The following TMEM39B variants were observed in gnomAD, a reference collection of about 807,000 sequenced individuals.
TMEM39B encodes transmembrane protein 39B.
TMEM39B carries 23 observed loss-of-function variants against 52.2 expected under a neutral mutation model. That is an observed-to-expected ratio of 0.44 (90% CI 0.32 to 0.62). TMEM39B has a LOEUF of 0.62. Among genes scored for constraint, TMEM39B ranks in the 20% least tolerant of loss-of-function variants. The pLI is 0.06. For missense variants in TMEM39B, 547 were observed against 642.0 expected (o/e 0.85, Z 1.60); for synonymous variants, 285 against 264.0 (o/e 1.08, Z -0.77).
chr1:32,096,078 C>T (rs577942922), intron 7 of TMEM39B, among the ~76,000 whole-genome samples: 1 of 152,280 alleles, frequency 6.6e-6, no homozygotes, highest in Non-Finnish European at 1.5e-5. Flanking sequence ...CATGCCCCAA[C>T]CCATCCTCTG....
chr1:32,097,794 G>A (rs1301354532), intron 7 of TMEM39B, among the ~76,000 whole-genome samples: 18 of 151,800 alleles, frequency 1.2e-4, no homozygotes, highest in African/African-American at 2.7e-4. Flanking sequence ...ACAGATGCCC[G>A]CCACCGCACC....
chr1:32,073,778 C>G (rs1639738763), intron 1 of TMEM39B: 1 of 985,038 alleles, frequency 1.0e-6, no homozygotes, highest in Admixed American at 6.2e-5. Flanking sequence ...ACATCCAAGC[C>G]CAAAATTGGC....
intron 5 of TMEM39B, among the ~76,000 whole-genome samples, chr1:32,078,955 A>G (rs564957325): frequency 6.6e-6 from 1 of 152,048 alleles, no homozygotes; most frequent in South Asian, 2.1e-4. Flanking sequence ...GCAGTTTTTT[A>G]AAAAAGAAAA....
chr1:32,098,084 C>T (rs917578382), intron 7 of TMEM39B, among the ~76,000 whole-genome samples: 6 of 152,184 alleles, frequency 3.9e-5, no homozygotes, highest in Middle Eastern at 3.4e-3. Context: ...GCAACCTCCA[C>T]CTTCCGGGTT....
chr1:32,098,310 T>G (rs1640890422), intron 7 of TMEM39B, among the ~76,000 whole-genome samples: 1 of 152,012 alleles, frequency 6.6e-6, no homozygotes, highest in South Asian at 2.1e-4. Flanking sequence ...GCCAACTATT[T>G]TTTTTTTAAA....
chr1:32,097,333 CTTTT>C (rs1033574033), intron 7 of TMEM39B, among the ~76,000 whole-genome samples: 1 of 138,974 alleles, frequency 7.2e-6, no homozygotes. Context: ...CCAACTTCTT[CTTTT>C]TTTTTTTTTT....
intron 5 of TMEM39B, among the ~76,000 whole-genome samples, chr1:32,084,152 CCTTT>C (rs1165072965): frequency 2.6e-5 from 4 of 152,166 alleles, no homozygotes; most frequent in Non-Finnish European, 4.4e-5. Flanking sequence ...TTTCTAATTG[CCTTT>C]CTTTTTTCTT....
chr1:32,084,647 G>T (rs2124456438), intron 5 of TMEM39B, among the ~76,000 whole-genome samples: 1 of 152,082 alleles, frequency 6.6e-6, no homozygotes, highest in South Asian at 2.1e-4. Context: ...TCAGCTCACT[G>T]CAACCTCCGC....
chr1:32,084,685 T>G lies in TMEM39B; in HGVS notation c.591-6990T>G, dbSNP rs951927691. On this transcript the variant is annotated intron_variant, in intron 5 of 8. Coordinates refer to ENST00000336294, the MANE Select transcript of TMEM39B (RefSeq NM_018056.4). ...CCCGAGTTCAAGTGATTCTCCTGCC[T>G]CAGCCTCCTGAGTAGCTGGGATTAC... 2.0e-5 allele frequency among the ~76,000 whole-genome samples: 3 copies of G among 152,240 alleles called. No individual in the cohort carries two copies. In the South Asian group the frequency reaches 6.2e-4, roughly 32 times the overall value.
chr1:32,083,409 CTTTTT>C (rs1052027069), intron 5 of TMEM39B, among the ~76,000 whole-genome samples: 21 of 54,618 alleles, frequency 3.8e-4, no homozygotes, highest in Admixed American at 2.5e-3. Flanking sequence ...TAAAGGACTT[CTTTTT>C]TTTTTTTTTT....
chr1:32,084,356 C>T (rs1339833659), intron 5 of TMEM39B, among the ~76,000 whole-genome samples: 1 of 152,096 alleles, frequency 6.6e-6, no homozygotes, highest in East Asian at 1.9e-4. Flanking sequence ...AGCTCTCAGC[C>T]TGGGACTTCC....
intron 3 of TMEM39B, chr1:32,076,463 G>T (rs971402777): frequency 6.2e-6 from 3 of 481,816 alleles, no homozygotes; most frequent in Non-Finnish European, 1.2e-5. Flanking sequence ...GGATACATGA[G>T]TGCTTCAAGG....
rs1449682077 is a variant in TMEM39B, at chr1:32,094,897, G to T, written c.1041G>T (p.Leu347=). The T allele has an allele frequency of 6.2e-7, 1 of 1,614,012 alleles. No individual in the cohort carries two copies. Among genetic ancestry groups the T allele is most frequent in the East Asian group, 2.2e-5 (1 of 44,890 alleles). ...TGCCTGCCAGCTACTGTGACCTGCT[G>T]CACAAGGCCGCCGCCCATCTGGGCT... ...HLLPASYCDL[L]HKAAAHLGCW... Residue 347 remains leucine, a synonymous_variant, in exon 7 of 9, where the codon CTG becomes CTT. Coordinates refer to ENST00000336294, the MANE Select transcript of TMEM39B (RefSeq NM_018056.4).
chr1:32,100,660 A>C lies in TMEM39B; in HGVS notation c.1236+98A>C, dbSNP rs777800475. On this transcript the variant is annotated intron_variant, in intron 8 of 8. Coordinates refer to ENST00000336294, the MANE Select transcript of TMEM39B (RefSeq NM_018056.4). The stretch of plus-strand genomic sequence containing the variant: ...GTCATTGCAAGAGAAAGCTATTTTC[A>C]GTATTTCCCCAATCCAAAGGAAGAC... The C allele has an allele frequency of 4.6e-6, 7 of 1,525,044 alleles. No individual in the cohort carries two copies. The African/African-American group carries it at 9.6e-5, about 21-fold the overall frequency. The allele number at this position is 1,525,044 out of a possible 1,614,324, so 94.5% of individuals were successfully genotyped here.
intron 5 of TMEM39B, among the ~76,000 whole-genome samples, chr1:32,084,757 G>T (rs1481671852): frequency 6.6e-6 from 1 of 151,820 alleles, no homozygotes; most frequent in South Asian, 2.1e-4. Context: ...TAGTAGAGAC[G>T]GGGTTTCACC....
At chr1:32,092,137 T>G (rs1640634313) in intron 6 of TMEM39B, 126 bp downstream of exon 6, 6 of 844,792 alleles carry the variant, frequency 7.1e-6, no homozygotes, top group Non-Finnish European at 1.1e-5. Context: ...TCTGGAGGAC[T>G]GGAGTGACTA....
chr1:32,075,865 CGTGT>C (rs1324202548), intron 3 of TMEM39B, 43 bp downstream of exon 3: 13 of 828,246 alleles, frequency 1.6e-5, no homozygotes, highest in Admixed American at 9.3e-5. Context: ...TGTGTGTGTG[CGTGT>C]GTGTGTATGT....
intron 8 of TMEM39B, among the ~76,000 whole-genome samples, chr1:32,101,855 C>T (rs189739317): frequency 1.3e-5 from 2 of 151,960 alleles, no homozygotes; most frequent in Admixed American, 1.3e-4. Flanking sequence ...TTTTTTAGTC[C>T]CTACGTTCTA....
intron 3 of TMEM39B, 43 bp downstream of exon 3, chr1:32,075,865 CGT>C (rs1324202548): frequency 8.7e-5 from 72 of 827,652 alleles, no homozygotes; most frequent in Non-Finnish European, 1.1e-4. Context: ...TGTGTGTGTG[CGT>C]GTGTGTGTAT....
Sources: gnomAD v4.1 joint callset for allele counts (sites outside exome capture counted in the v4.1 genomes callset) on GRCh38, gnomAD v4.1.1 for gene constraint, MANE v1.5 for transcripts, NCBI Gene and HGNC (gene_info 2026-07-23, HGNC 2026-07-21) for gene names.